RSRC1: variants seen among roughly 807,000 people sequenced by gnomAD.
RSRC1 encodes arginine and serine rich coiled-coil 1, also known as serine/Arginine-related protein 53.
RSRC1 carries 39 observed loss-of-function variants against 49.1 expected under a neutral mutation model. The observed-to-expected ratio is 0.79, with a 90% CI of 0.61 to 1.04. The LOEUF (loss-of-function observed/expected upper bound fraction) is 1.04, where lower values mean the gene tolerates loss of function less well. Among genes scored for constraint, RSRC1 ranks in the 50% least tolerant of loss-of-function variants. The pLI is 0.00. For synonymous variants in RSRC1, 143 were observed against 130.8 expected, an observed-to-expected ratio of 1.09 and a Z score of -0.63; for missense variants, 388 against 402.4, an observed-to-expected ratio of 0.96 and a Z score of 0.31.
At chr3:158,272,595 T>C (rs1235619603) in intron 4 of RSRC1, among the ~76,000 whole-genome samples, 1 of 152,146 alleles carries the variant, frequency 6.6e-6, no homozygotes, top group African/African-American at 2.4e-5. Flanking sequence ...GTATTGTTTT[T>C]TCCAGAATTA....
intron 7 of RSRC1, among the ~76,000 whole-genome samples, chr3:158,486,212 T>A (rs372590863): frequency 3.9e-5 from 6 of 152,198 alleles, no homozygotes; most frequent in African/African-American, 1.4e-4. Flanking sequence ...GACTAATTGA[T>A]AAATCACATT....
At chr3:158,174,962 C>T (rs368813410) in intron 3 of RSRC1, among the ~76,000 whole-genome samples, 4 of 152,060 alleles carry the variant, frequency 2.6e-5, no homozygotes, top group Admixed American at 2.0e-4. Context: ...TCTCTGTGCT[C>T]TACATCCCTG....
At chr3:158,456,910 TG>T (rs1428148604) in intron 6 of RSRC1, among the ~76,000 whole-genome samples, 1 of 152,154 alleles carries the variant, frequency 6.6e-6, no homozygotes, top group African/African-American at 2.4e-5. Context: ...TTAAATGGTA[TG>T]TGAAGGATTT....
At chr3:158,111,536 C>T (rs1272473334) in intron 1 of RSRC1, among the ~76,000 whole-genome samples, 3 of 152,136 alleles carry the variant, frequency 2.0e-5, no homozygotes, top group Admixed American at 6.5e-5. Context: ...AAGAGAGATG[C>T]TTGCAAGTTT....
intron 3 of RSRC1, among the ~76,000 whole-genome samples, chr3:158,155,582 C>T (rs1717817816): frequency 6.7e-6 from 1 of 150,254 alleles, no homozygotes; most frequent in South Asian, 2.1e-4. Context: ...CAGGAATGCA[C>T]CACCAAGCCT....
At chr3:158,346,802 A>T (rs981855949) in intron 5 of RSRC1, among the ~76,000 whole-genome samples, 2 of 152,256 alleles carry the variant, frequency 1.3e-5, no homozygotes, top group Non-Finnish European at 2.9e-5. Context: ...ACATATTTAT[A>T]CAAAGATGTG....
intron 4 of RSRC1, among the ~76,000 whole-genome samples, chr3:158,278,145 G>C (rs1490205541): frequency 6.6e-6 from 1 of 152,078 alleles, no homozygotes; most frequent in Non-Finnish European, 1.5e-5. Context: ...ATCTGTATCT[G>C]TCAAAAAAAT....
At chr3:158,353,071 C>T (rs1688621997) in intron 5 of RSRC1, among the ~76,000 whole-genome samples, 1 of 152,156 alleles carries the variant, frequency 6.6e-6, no homozygotes. Flanking sequence ...GTCATCTCCT[C>T]CTTCTCTAAT....
At chr3:158,421,015 T>C (rs974910806) in intron 6 of RSRC1, among the ~76,000 whole-genome samples, 1 of 151,952 alleles carries the variant, frequency 6.6e-6, no homozygotes, top group Non-Finnish European at 1.5e-5. Context: ...AGGCCAAATA[T>C]TCATTCGTTT....
At chr3:158,310,975 C>T (rs899214666) in intron 5 of RSRC1, among the ~76,000 whole-genome samples, 1 of 151,746 alleles carries the variant, frequency 6.6e-6, no homozygotes, top group East Asian at 1.9e-4. Flanking sequence ...CTACTCTCCT[C>T]GTTTGTCAGT....
intron 6 of RSRC1, among the ~76,000 whole-genome samples, chr3:158,417,825 G>T (rs1408598650): frequency 1.3e-5 from 2 of 150,716 alleles, no homozygotes; most frequent in African/African-American, 2.4e-5. Context: ...GTAATAAAAT[G>T]GTGATATGTG....
Position 158,537,100 on chromosome 3 carries a change from A to C in RSRC1, c.661A>C (p.Thr221Pro), listed in dbSNP as rs369403336. Residue 221 changes from threonine to proline, a missense_variant, in exon 8 of 10, where the codon ACC becomes CCC. Transcript: ENST00000611884. ...AKRRKEEDQA[T>P]LVEQVKRVKE... Reference sequence around the variant, plus strand: ...TATACCCTCTTTTTCAGACCAAGCCACCCTGGTAGAACAAGTAAAAAGAGT... The same window carrying C: ...TATACCCTCTTTTTCAGACCAAGCCCCCCTGGTAGAACAAGTAAAAAGAGT... 5 of 1,608,348 alleles carry C rather than the reference A, an allele frequency of 3.1e-6. No individual in the cohort carries two copies. The highest frequency in any genetic ancestry group is 4.3e-6 in the Non-Finnish European group (5 of 1,175,998).
At chr3:158,468,806 G>T (rs184736688) in intron 7 of RSRC1, among the ~76,000 whole-genome samples, 1 of 152,002 alleles carries the variant, frequency 6.6e-6, no homozygotes, top group East Asian at 1.9e-4. Flanking sequence ...AAAATGAATT[G>T]CCTACTGAAA....
chr3:158,177,999 C>G (rs1319740725), intron 3 of RSRC1, among the ~76,000 whole-genome samples: 1 of 152,114 alleles, frequency 6.6e-6, no homozygotes, highest in Non-Finnish European at 1.5e-5. Context: ...TGTCAATTCA[C>G]TTTTTCAAAT....
intron 6 of RSRC1, among the ~76,000 whole-genome samples, chr3:158,439,537 C>T (rs1040720310): frequency 7.2e-5 from 11 of 152,050 alleles, no homozygotes; most frequent in Non-Finnish European, 1.5e-4. Flanking sequence ...AGCTGGAAAC[C>T]ATCATTCTCA....
At chr3:158,194,046 C>A (rs895680602) in intron 3 of RSRC1, among the ~76,000 whole-genome samples, 1 of 144,018 alleles carries the variant, frequency 6.9e-6, no homozygotes, top group East Asian at 2.0e-4. Context: ...ATAGTGAGAC[C>A]CCGTCTATAC....
intron 1 of RSRC1, among the ~76,000 whole-genome samples, chr3:158,113,971 C>A (rs1277046984): frequency 6.6e-6 from 1 of 151,924 alleles, no homozygotes; most frequent in Non-Finnish European, 1.5e-5. Flanking sequence ...ATGATAATTT[C>A]TTTTGCTGTG....
intron 6 of RSRC1, among the ~76,000 whole-genome samples, chr3:158,359,058 TTTTTTAGGTGTATACCTAGGAGGG>T (rs1161078326): frequency 1.3e-5 from 2 of 151,970 alleles, no homozygotes; most frequent in African/African-American, 4.8e-5. Flanking sequence ...TGTTTGGAGG[TTTTTTAGGTGTATACCTAGGAGGG>T]TGATAGTGGG....
chr3:158,239,420 A>G (rs942173225), intron 4 of RSRC1, among the ~76,000 whole-genome samples: 1 of 152,164 alleles, frequency 6.6e-6, no homozygotes, highest in African/African-American at 2.4e-5. Flanking sequence ...CGTTTATTGC[A>G]GCACTATTCA....
Sources: gnomAD v4.1 joint callset for allele counts (sites outside exome capture counted in the v4.1 genomes callset) on GRCh38, gnomAD v4.1.1 for gene constraint, MANE v1.5 for transcripts, NCBI Gene and HGNC (gene_info 2026-07-23, HGNC 2026-07-21) for gene names.